Variants in PLCB1 observed in about 807,000 individuals in gnomAD.
PLCB1 encodes the protein 1-phosphatidylinositol 4,5-bisphosphate phosphodiesterase beta-1.
Under a neutral mutation model 161.8 loss-of-function variants are expected in PLCB1, and 46 were observed. The ratio of observed to expected loss-of-function variants is 0.28; its 90% confidence interval spans 0.22 to 0.36. PLCB1 has a LOEUF of 0.36. PLCB1 is among the 10% of genes least tolerant of loss of function. PLCB1 has a pLI of 1.00. For synonymous variants in PLCB1, 517 were observed against 503.7 expected, an observed-to-expected ratio of 1.03 and a Z score of -0.35; for missense variants, 1,016 against 1,472.5, an observed-to-expected ratio of 0.69 and a Z score of 5.07.
chr20:8,702,734 C>T (rs1477100530), intron 11 of PLCB1, among the ~76,000 whole-genome samples: 3 of 152,050 alleles, frequency 2.0e-5, no homozygotes, highest in African/African-American at 4.8e-5. Context: ...GGAGCATTAC[C>T]GTACTTTCAC....
chr20:8,180,969 GTA>G (rs1459317785), intron 2 of PLCB1, among the ~76,000 whole-genome samples: 6 of 149,208 alleles, frequency 4.0e-5, no homozygotes, highest in African/African-American at 1.2e-4. Context: ...GTGTGTGTGT[GTA>G]TGTATGTGTG....
chr20:8,663,764 C>CA (rs760906605), intron 9 of PLCB1, among the ~76,000 whole-genome samples: 1 of 152,056 alleles, frequency 6.6e-6, no homozygotes. Context: ...GGCCTCTGGT[C>CA]AGCAAAAGTT....
At chr20:8,298,332 A>T (rs535833724) in intron 2 of PLCB1, among the ~76,000 whole-genome samples, 2 of 151,768 alleles carry the variant, frequency 1.3e-5, no homozygotes, top group Non-Finnish European at 2.9e-5. Context: ...TTGAATCAAG[A>T]ATATAAAGCT....
At chr20:8,319,510 G>T (rs755667805) in intron 2 of PLCB1, among the ~76,000 whole-genome samples, 1 of 150,362 alleles carries the variant, frequency 6.7e-6, no homozygotes, top group South Asian at 2.1e-4. Flanking sequence ...TGTCACTCTG[G>T]TGCATTCTTG....
intron 23 of PLCB1, among the ~76,000 whole-genome samples, chr20:8,754,094 T>C (rs933654580): frequency 6.6e-6 from 1 of 152,212 alleles, no homozygotes; most frequent in Non-Finnish European, 1.5e-5. Flanking sequence ...TATCCCCGAC[T>C]GCAACCATAA....
chr20:8,744,667 A>AAAATAAAG (rs1448304233), intron 23 of PLCB1, among the ~76,000 whole-genome samples: 48 of 149,986 alleles, frequency 3.2e-4, no homozygotes, highest in African/African-American at 1.2e-3. Flanking sequence ...AAAAAATAAA[A>AAAATAAAG]TTGTTTGTAA....
intron 3 of PLCB1, among the ~76,000 whole-genome samples, chr20:8,432,301 C>G (rs1233301664): frequency 6.6e-6 from 1 of 152,192 alleles, no homozygotes; most frequent in Non-Finnish European, 1.5e-5. Flanking sequence ...CCGCTGCAAA[C>G]AGCACCAACT....
At chr20:8,214,478 C>T (rs545528413) in intron 2 of PLCB1, among the ~76,000 whole-genome samples, 1 of 152,086 alleles carries the variant, frequency 6.6e-6, no homozygotes, top group Non-Finnish European at 1.5e-5. Flanking sequence ...CCTGAGGCCT[C>T]CTCAGAAGCA....
At chr20:8,760,837 C>T (rs992642331) in intron 25 of PLCB1, among the ~76,000 whole-genome samples, 13 of 152,120 alleles carry the variant, frequency 8.5e-5, no homozygotes, top group Admixed American at 3.3e-4. Flanking sequence ...GCATAAAATG[C>T]ACAGTGTTTA....
chr20:8,593,660 A>G (rs6140647), intron 3 of PLCB1, among the ~76,000 whole-genome samples: 1 of 149,734 alleles, frequency 6.7e-6, no homozygotes, highest in South Asian at 2.1e-4. Context: ...TTTTATTTTT[A>G]TTTTTTTAAT....
chr20:8,167,426 C>T (rs2051686838), intron 2 of PLCB1, among the ~76,000 whole-genome samples: 1 of 152,148 alleles, frequency 6.6e-6, no homozygotes, highest in Admixed American at 6.5e-5. Context: ...TGTTTTTCTT[C>T]ATTAGAATTG....
chr20:8,381,057 C>G (rs1987237500), intron 3 of PLCB1, among the ~76,000 whole-genome samples: 1 of 152,116 alleles, frequency 6.6e-6, no homozygotes, highest in East Asian at 1.9e-4. Context: ...TTTTCCCATT[C>G]AATATAATAT....
At chr20:8,806,425 G>T (rs2146245778) in intron 31 of PLCB1, among the ~76,000 whole-genome samples, 1 of 152,112 alleles carries the variant, frequency 6.6e-6, no homozygotes. Context: ...ATTGAGGAAG[G>T]GCTCACCCAC....
intron 11 of PLCB1, among the ~76,000 whole-genome samples, chr20:8,705,833 G>A (rs886475953): frequency 6.6e-6 from 1 of 152,220 alleles, no homozygotes; most frequent in African/African-American, 2.4e-5. Context: ...ATCAAGTTAG[G>A]CTGTGTAGAT....
chr20:8,251,575 G>C (rs1198880599), intron 2 of PLCB1, among the ~76,000 whole-genome samples: 1 of 151,928 alleles, frequency 6.6e-6, no homozygotes, highest in African/African-American at 2.4e-5. Context: ...TGCAGCTGAG[G>C]CATGGTTGGA....
chr20:8,737,383 T>A (rs1247995309), intron 20 of PLCB1, among the ~76,000 whole-genome samples, 191 bp downstream of exon 20: 1 of 152,220 alleles, frequency 6.6e-6, no homozygotes, highest in Non-Finnish European at 1.5e-5. Context: ...TTTTCAGAAT[T>A]GTATTGTAAA....
intron 2 of PLCB1, among the ~76,000 whole-genome samples, chr20:8,225,670 G>A (rs890235565): frequency 1.3e-5 from 2 of 152,214 alleles, no homozygotes; most frequent in East Asian, 3.9e-4. Context: ...GGCACAATGG[G>A]CAATTTTAGC....
chr20:8,532,421 C>A (rs1984851575), intron 3 of PLCB1, among the ~76,000 whole-genome samples: 1 of 152,182 alleles, frequency 6.6e-6, no homozygotes, highest in Admixed American at 6.5e-5. Context: ...GCATTTCACA[C>A]CAACCTCCCC....
At chr20:8,222,220 G>A (rs545159474) in intron 2 of PLCB1, among the ~76,000 whole-genome samples, 1 of 152,182 alleles carries the variant, frequency 6.6e-6, no homozygotes, top group Non-Finnish European at 1.5e-5. Flanking sequence ...AATTTCTGAA[G>A]TTCTGAGTTT....
Sources: allele counts gnomAD v4.1 joint callset (sites outside exome capture counted in the v4.1 genomes callset), GRCh38; gene constraint gnomAD v4.1.1; transcripts MANE v1.5; gene names NCBI Gene and HGNC (gene_info 2026-07-23, HGNC 2026-07-21).